Variants in DYNC1I1 observed in about 807,000 individuals in gnomAD.
DYNC1I1 encodes dynein cytoplasmic 1 intermediate chain 1, also known as cytoplasmic dynein 1 intermediate chain 1.
Under a neutral mutation model 86.6 loss-of-function variants are expected in DYNC1I1, and 43 were observed. The observed-to-expected ratio is 0.50, with a 90% confidence interval of 0.39 to 0.64. The LOEUF (loss-of-function observed/expected upper bound fraction) is 0.64. Ranked by LOEUF, DYNC1I1 falls within the 30% of genes least tolerant of loss-of-function variation. The pLI is 0.00. For synonymous variants in DYNC1I1, 262 were observed against 283.7 expected, an observed-to-expected ratio of 0.92 and a Z score of 0.77; for missense variants, 604 against 788.8, an observed-to-expected ratio of 0.77 and a Z score of 2.81.
At chr7:96,011,842 T>C (rs1794282738) in intron 10 of DYNC1I1, among the ~76,000 whole-genome samples, 1 of 152,212 alleles carries the variant, frequency 6.6e-6, no homozygotes, top group African/African-American at 2.4e-5. Context: ...TTGGCAAATA[T>C]AATAGATTGG....
intron 6 of DYNC1I1, among the ~76,000 whole-genome samples, chr7:95,871,157 C>T (rs139775550): frequency 2.6e-5 from 4 of 152,266 alleles, no homozygotes; most frequent in African/African-American, 9.6e-5. Context: ...TCCGGGGTGC[C>T]GTTAGGCATT....
At chr7:95,984,767 C>A in intron 7 of DYNC1I1, 48 bp from the exon 8 acceptor site, 1 of 1,535,546 alleles carries the variant, frequency 6.5e-7, no homozygotes, top group Non-Finnish European at 8.7e-7. Context: ...TTAATTGTCA[C>A]TTTTTCTTCC....
At chr7:96,094,229 A>C (rs1790930932) in intron 16 of DYNC1I1, among the ~76,000 whole-genome samples, 1 of 152,208 alleles carries the variant, frequency 6.6e-6, no homozygotes, top group Non-Finnish European at 1.5e-5. Context: ...AATGGCACTC[A>C]ATCAATGCTG....
At chr7:96,015,500 GTTGTAAAT>G (rs1794378553) in intron 10 of DYNC1I1, among the ~76,000 whole-genome samples, 1 of 151,992 alleles carries the variant, frequency 6.6e-6, no homozygotes, top group South Asian at 2.1e-4. Flanking sequence ...TCCCTGAAGT[GTTGTAAAT>G]TTAATCATTT....
intron 6 of DYNC1I1, among the ~76,000 whole-genome samples, chr7:95,936,275 A>G (rs1429994081): frequency 1.3e-5 from 2 of 152,058 alleles, no homozygotes; most frequent in East Asian, 3.8e-4. Flanking sequence ...CAGGAAAATA[A>G]TTGGGAAAAC....
intron 7 of DYNC1I1, among the ~76,000 whole-genome samples, chr7:95,978,338 A>G (rs1007570122): frequency 1.3e-5 from 2 of 152,188 alleles, no homozygotes; most frequent in African/African-American, 4.8e-5. Context: ...CCTCCTCATA[A>G]TAGCACTGTG....
chr7:95,877,466 TC>T (rs907407037), intron 6 of DYNC1I1, among the ~76,000 whole-genome samples: 11 of 152,130 alleles, frequency 7.2e-5, no homozygotes, highest in Middle Eastern at 6.8e-3. Flanking sequence ...TGTGCCATTG[TC>T]CCCTCCCCCA....
chr7:95,809,887 T>C (rs1322154515), intron 2 of DYNC1I1, among the ~76,000 whole-genome samples: 2 of 152,152 alleles, frequency 1.3e-5, no homozygotes, highest in Admixed American at 1.3e-4. Flanking sequence ...TTTTAAACCA[T>C]GGCAAACTTG....
chr7:95,802,273 T>C (rs571280244), intron 1 of DYNC1I1, among the ~76,000 whole-genome samples: 1 of 152,316 alleles, frequency 6.6e-6, no homozygotes, highest in Non-Finnish European at 1.5e-5. Flanking sequence ...AGTCAAATTG[T>C]TACTGGACCT....
At chr7:95,940,050 T>C (rs1333656970) in intron 6 of DYNC1I1, among the ~76,000 whole-genome samples, 155 of 152,222 alleles carry the variant, frequency 1.0e-3, no homozygotes, top group African/African-American at 3.5e-3. Context: ...TTCTCCTTCA[T>C]TTATGAAGCT....
At position 96,097,672 on chromosome 7, in the gene DYNC1I1, G is replaced by T; in HGVS notation, c.*79G>T. On this transcript the variant is annotated 3_prime_UTR_variant, in exon 17 of 17. Coordinates refer to ENST00000447467, the MANE Select transcript of DYNC1I1 (RefSeq NM_001135556.2). ...GTCTGCAGTCAAGTCTCTTGTATTC[G>T]GTGTCCATTCAGTATCAGTATTGCT... 6.3e-7 allele frequency: 1 copy of T among 1,579,328 alleles called. No individual in the cohort carries two copies. The highest frequency in any genetic ancestry group is 8.6e-7 in the Non-Finnish European group (1 of 1,161,014).
At chr7:96,102,033 C>G (rs1341678829), downstream of DYNC1I1, among the ~76,000 whole-genome samples, 2 of 151,652 alleles carry the variant, frequency 1.3e-5, no homozygotes, top group East Asian at 3.9e-4. Flanking sequence ...CAAGTAAGAT[C>G]ACTGATCACA....
At chr7:95,961,994 G>A (rs1271032119) in intron 6 of DYNC1I1, among the ~76,000 whole-genome samples, 1 of 152,156 alleles carries the variant, frequency 6.6e-6, no homozygotes, top group Non-Finnish European at 1.5e-5. Flanking sequence ...GCCCAGGTTG[G>A]CTGAACCCAC....
intron 2 of DYNC1I1, among the ~76,000 whole-genome samples, chr7:95,806,143 C>G (rs1274684995): frequency 6.6e-6 from 1 of 151,852 alleles, no homozygotes; most frequent in African/African-American, 2.4e-5. Context: ...CATGCAAAGT[C>G]AAAAAAAGCA....
At chr7:95,936,849 GT>G (rs1792053886) in intron 6 of DYNC1I1, among the ~76,000 whole-genome samples, 1 of 151,672 alleles carries the variant, frequency 6.6e-6, no homozygotes, top group Non-Finnish European at 1.5e-5. Context: ...ACTGTATTAG[GT>G]TAAAAGATTC....
chr7:96,027,532 T>A (rs1279597985), intron 10 of DYNC1I1, among the ~76,000 whole-genome samples: 1 of 152,182 alleles, frequency 6.6e-6, no homozygotes, highest in African/African-American at 2.4e-5. Flanking sequence ...TGGTTGTTTG[T>A]TAAAATAGGC....
Position 95,813,203 on chromosome 7 carries a change from G to C in DYNC1I1, c.224-44G>C, listed in dbSNP as rs753922109. 3.1e-6 allele frequency: 5 copies of C among 1,610,188 alleles called. No homozygotes were observed. The African/African-American group carries it at 5.4e-5, about 17-fold the overall frequency. ...GACACTGCTCTTCACCAGTGCAGCC[G>C]CTGCATTTTTTAACATGGGATACCT... is the stretch of plus-strand genomic sequence containing the variant. On this transcript the variant is annotated intron_variant, in intron 3 of 16. Transcript: ENST00000447467.
At position 95,935,299 on chromosome 7, in the gene DYNC1I1, G is replaced by A. The variant is rs78991641; in HGVS notation, c.491-42213G>A. Among the ~76,000 whole-genome samples, 1,056 of 152,044 alleles carry A rather than the reference G, an allele frequency of 6.9e-3. 31 individuals carry two copies. The highest frequency in any genetic ancestry group is 0.033 in the East Asian group (173 of 5,182). The stretch of plus-strand genomic sequence containing the variant: ...ACATTCATTCATGATGTCACATATT[G>A]CAGAATTTTCTTCTTTTTAAGGCTG... On this transcript the variant is annotated intron_variant, in intron 6 of 16. Coordinates refer to ENST00000447467, the MANE Select transcript of DYNC1I1 (RefSeq NM_001135556.2).
intron 6 of DYNC1I1, among the ~76,000 whole-genome samples, chr7:95,940,555 C>A (rs1792181325): frequency 6.6e-6 from 1 of 152,198 alleles, no homozygotes; most frequent in Non-Finnish European, 1.5e-5. Context: ...ATTTCATCTT[C>A]CATCACTGAT....
Sources: gnomAD v4.1 joint callset for allele counts (sites outside exome capture counted in the v4.1 genomes callset) on GRCh38, gnomAD v4.1.1 for gene constraint, MANE v1.5 for transcripts, NCBI Gene and HGNC (gene_info 2026-07-23, HGNC 2026-07-21) for gene names.